Variants in ADGRL2 observed in about 807,000 individuals in gnomAD.
ADGRL2 encodes adhesion G protein-coupled receptor L2.
A neutral mutation model predicts 157.4 loss-of-function variants in ADGRL2; 44 were observed. The observed-to-expected ratio is 0.28, with a 90% CI of 0.22 to 0.36. The LOEUF (loss-of-function observed/expected upper bound fraction) is 0.36, where lower values mean the gene tolerates loss of function less well. Among genes scored for constraint, ADGRL2 ranks in the 10% least tolerant of loss-of-function variants. The pLI is 1.00. For synonymous variants in ADGRL2, 585 were observed against 624.7 expected, an observed-to-expected ratio of 0.94 and a Z score of 0.95; for missense variants, 1,510 against 1,768.9, an observed-to-expected ratio of 0.85 and a Z score of 2.63.
intron 2 of ADGRL2, chr1:81,501,805 G>C (rs1361707764): frequency 6.2e-7 from 1 of 1,602,952 alleles, no homozygotes; most frequent in Non-Finnish European, 8.5e-7. Flanking sequence ...AGCAGCAGCA[G>C]CAGCAACAGC....
intron 2 of ADGRL2, among the ~76,000 whole-genome samples, chr1:81,448,930 G>A (rs1002362052): frequency 6.6e-6 from 1 of 152,018 alleles, no homozygotes; most frequent in African/African-American, 2.4e-5. Context: ...GATAAAGTGT[G>A]ACCCCTATAC....
rs116085630 is a variant in ADGRL2, at chr1:81,620,510, C to T, written c.-143+39530C>T. ...CATGAATATCTAAAATTCAGGAACA[C>T]TCCACCATAACATATTATCTCCAAG... is the stretch of plus-strand genomic sequence containing the variant. On this transcript the variant is annotated intron_variant, in intron 3 of 24. Coordinates refer to the ADGRL2 transcript ENST00000370721. 5.7e-3 allele frequency among the ~76,000 whole-genome samples: 874 copies of T among 152,314 alleles called. 13 individuals are homozygous for T. The highest frequency in any genetic ancestry group is 0.02 in the African/African-American group (838 of 41,566).
chr1:81,372,871 C>A (rs996120388), intron 1 of ADGRL2, among the ~76,000 whole-genome samples: 2 of 152,162 alleles, frequency 1.3e-5, no homozygotes, highest in African/African-American at 2.4e-5. Flanking sequence ...AGTGTGTTGG[C>A]AACAGCTTAG....
intron 1 of ADGRL2, among the ~76,000 whole-genome samples, chr1:81,359,357 G>C (rs1262737523): frequency 6.6e-6 from 1 of 152,086 alleles, no homozygotes; most frequent in East Asian, 1.9e-4. Context: ...TCCATGTAAA[G>C]CTTACAGTCT....
At chr1:81,980,498 G>A (rs1661354576) in intron 18 of ADGRL2, among the ~76,000 whole-genome samples, 1 of 151,722 alleles carries the variant, frequency 6.6e-6, no homozygotes, top group East Asian at 1.9e-4. Flanking sequence ...AATGATAGCT[G>A]TTGTTCATTA....
At chr1:81,672,875 A>T (rs1279946263) in intron 3 of ADGRL2, among the ~76,000 whole-genome samples, 1 of 152,214 alleles carries the variant, frequency 6.6e-6, no homozygotes, top group Non-Finnish European at 1.5e-5. Flanking sequence ...ATTAGTCATG[A>T]TCAAAGTGAT....
In ADGRL2 at chr1:81,322,113, C is replaced by CACATAT. The variant is rs1553153271; in HGVS notation, c.-302+15605_-302+15606insCATATA. On this transcript the variant is annotated intron_variant, in intron 1 of 24. Transcript: ENST00000370721. ...ATATATATATATATATATATATACA[C>CACATAT]ATATATATATACACACACACACGTA... Among the ~76,000 whole-genome samples, 21 of 112,120 alleles carry CACATAT rather than the reference C, an allele frequency of 1.9e-4. No homozygotes were observed. In the East Asian group the frequency reaches 3.5e-3, roughly 19 times the overall value. The allele number at this position is 112,120 out of a possible 152,430, so 73.6% of individuals were successfully genotyped here. A position where few individuals can be genotyped will look rare whatever the true frequency, so the allele number is the denominator to read the frequency against.
chr1:81,629,109 T>C (rs189181252), intron 3 of ADGRL2, among the ~76,000 whole-genome samples: 30 of 152,260 alleles, frequency 2.0e-4, no homozygotes, highest in Non-Finnish European at 3.4e-4. Flanking sequence ...TTAAAGCACA[T>C]TTCTCTTAGA....
intron 2 of ADGRL2, among the ~76,000 whole-genome samples, chr1:81,887,055 T>A (rs1162018766): frequency 6.6e-6 from 1 of 152,216 alleles, no homozygotes; most frequent in East Asian, 1.9e-4. Flanking sequence ...ACATTCCTAA[T>A]ATATTTTGTT....
chr1:81,340,132 C>T (rs1392723493), intron 1 of ADGRL2, among the ~76,000 whole-genome samples: 1 of 152,050 alleles, frequency 6.6e-6, no homozygotes, highest in East Asian at 1.9e-4. Flanking sequence ...ACTATATTTG[C>T]AAGAGGGTGC....
chr1:81,590,709 G>C (rs999141207), intron 3 of ADGRL2, among the ~76,000 whole-genome samples: 2 of 151,854 alleles, frequency 1.3e-5, no homozygotes, highest in Admixed American at 1.3e-4. Context: ...ACCCATTTTT[G>C]CATGCTCAGT....
At chr1:81,449,948 C>A (rs1356173395) in intron 2 of ADGRL2, among the ~76,000 whole-genome samples, 2 of 152,058 alleles carry the variant, frequency 1.3e-5, no homozygotes, top group Non-Finnish European at 2.9e-5. Context: ...AATGAGTAAC[C>A]CCATTTCTCT....
In ADGRL2 at chr1:81,887,527, G is replaced by T. The variant is rs375903946; in HGVS notation, c.74-19490G>T. Among the ~76,000 whole-genome samples, 108 of 152,162 alleles carry T rather than the reference G, an allele frequency of 7.1e-4. No individual in the cohort carries two copies. In the South Asian group the frequency reaches 0.013, roughly 18 times the overall value. On this transcript the variant is annotated intron_variant, in intron 2 of 23. Transcript: ENST00000686636. ...TTAATTATATGTTCATATCTTAAGG[G>T]TACATTGTTTTGATATAACATGTCA...
chr1:81,406,777 C>G (rs531050382), intron 1 of ADGRL2, among the ~76,000 whole-genome samples: 1 of 152,216 alleles, frequency 6.6e-6, no homozygotes, highest in African/African-American at 2.4e-5. Flanking sequence ...CTCTGCTCCC[C>G]AATCAGCAAC....
intron 3 of ADGRL2, among the ~76,000 whole-genome samples, chr1:81,611,350 C>T (rs2148669964): frequency 6.6e-6 from 1 of 152,288 alleles, no homozygotes; most frequent in East Asian, 1.9e-4. Flanking sequence ...TCAGTTCTCT[C>T]ATTTGTAAAA....
At chr1:81,689,434 C>A (rs1014477057) in intron 3 of ADGRL2, among the ~76,000 whole-genome samples, 4 of 152,152 alleles carry the variant, frequency 2.6e-5, no homozygotes, top group African/African-American at 9.7e-5. Context: ...AGGACCCAAG[C>A]CTGTGGCAGA....
chr1:81,550,306 C>T (rs2080115493), intron 2 of ADGRL2, among the ~76,000 whole-genome samples: 1 of 152,174 alleles, frequency 6.6e-6, no homozygotes, highest in Non-Finnish European at 1.5e-5. Context: ...ATCCTCATGA[C>T]AGCCATTTTA....
chr1:81,872,827 A>T (rs958791491), intron 2 of ADGRL2, among the ~76,000 whole-genome samples: 1 of 152,110 alleles, frequency 6.6e-6, no homozygotes, highest in African/African-American at 2.4e-5. Context: ...GATGGTGTTA[A>T]TGCCTGTTAG....
chr1:81,896,361 G>A (rs975974535), intron 2 of ADGRL2, among the ~76,000 whole-genome samples: 5 of 152,160 alleles, frequency 3.3e-5, no homozygotes, highest in African/African-American at 9.7e-5. Context: ...GAGGGTGGGA[G>A]GGGGACGGAG....
Sources: gnomAD v4.1 joint callset for allele counts (sites outside exome capture counted in the v4.1 genomes callset) on GRCh38, gnomAD v4.1.1 for gene constraint, MANE v1.5 for transcripts, NCBI Gene and HGNC (gene_info 2026-07-23, HGNC 2026-07-21) for gene names.